CEP120: variants seen among roughly 807,000 people sequenced by gnomAD.
The protein encoded by CEP120 is centrosomal protein of 120 kDa.
Under a neutral mutation model 126.5 loss-of-function variants are expected in CEP120, and 113 were observed. That is an observed-to-expected ratio of 0.89 (90% CI 0.77 to 1.04). CEP120 has a LOEUF of 1.04. Ranked by LOEUF, CEP120 falls within the 50% of genes least tolerant of loss-of-function variation. CEP120 has a pLI of 0.00. For synonymous variants in CEP120, 400 were observed against 394.3 expected, an observed-to-expected ratio of 1.01 and a Z score of -0.17; for missense variants, 1,230 against 1,155.7, an observed-to-expected ratio of 1.06 and a Z score of -0.93.
At chr5:123,401,357 G>C in intron 4 of CEP120, 1 of 1,577,010 alleles carries the variant, frequency 6.3e-7, no homozygotes, top group Non-Finnish European at 8.7e-7. Context: ...CTCCAGGAAA[G>C]CCCTCTGGCC....
chr5:123,346,810 C>T (rs555129469), intron 19 of CEP120, 57 bp from the exon 20 acceptor site: 67 of 1,245,842 alleles, frequency 5.4e-5, no homozygotes, highest in Non-Finnish European at 6.4e-5. Context: ...CTTAATGTCA[C>T]TATTTAAAAA....
At chr5:123,370,053 G>A (rs371510781) in intron 17 of CEP120, among the ~76,000 whole-genome samples, 6 of 152,154 alleles carry the variant, frequency 3.9e-5, no homozygotes, top group African/African-American at 1.4e-4. Context: ...CATACATGGT[G>A]TTGGTTCATC....
intron 18 of CEP120, among the ~76,000 whole-genome samples, chr5:123,351,888 C>T (rs1769223816): frequency 6.6e-6 from 1 of 152,084 alleles, no homozygotes; most frequent in South Asian, 2.1e-4. Flanking sequence ...CCTGTATTTC[C>T]AAACAGTTTG....
intron 4 of CEP120, among the ~76,000 whole-genome samples, chr5:123,409,216 G>T (rs369039290): frequency 6.6e-6 from 1 of 152,026 alleles, no homozygotes; most frequent in East Asian, 1.9e-4. Context: ...AAAAGTATTT[G>T]ACAAAATCCA....
intron 4 of CEP120, chr5:123,401,542 G>A (rs774587093): frequency 4.0e-5 from 53 of 1,318,046 alleles, no homozygotes; most frequent in Admixed American, 3.7e-4. Flanking sequence ...CGATCTCCTC[G>A]TACTGTGCCT....
rs140116057 is a variant in CEP120, at chr5:123,360,890, T to TG, written c.2580+3605_2580+3606insC. ...TATTCAGAACACTGTTTACTTATAT[T>TG]ATTTTTTTGAAACTACCTCAAATGG... On this transcript the variant is annotated intron_variant, in intron 18 of 19. Coordinates refer to ENST00000306467, the MANE Select transcript of CEP120 (RefSeq NM_001375405.1). Among the ~76,000 whole-genome samples the TG allele has an allele frequency of 2.4e-3, 370 of 151,962 alleles. 1 individual carries two copies. Among genetic ancestry groups the TG allele is most frequent in the African/African-American group, 8.5e-3 (352 of 41,526 alleles).
intron 5 of CEP120, among the ~76,000 whole-genome samples, chr5:123,396,962 A>G (rs904804709): frequency 9.2e-5 from 14 of 152,260 alleles, no homozygotes; most frequent in Non-Finnish European, 1.9e-4. Flanking sequence ...ACAAAGCATT[A>G]CACAGTAAGT....
chr5:123,375,187 T>C (rs989414365), intron 16 of CEP120, among the ~76,000 whole-genome samples: 8 of 152,054 alleles, frequency 5.3e-5, no homozygotes, highest in African/African-American at 1.4e-4. Context: ...CCCCTTTTTT[T>C]CCCCCAGGTT....
intron 2 of CEP120, among the ~76,000 whole-genome samples, chr5:123,416,442 G>A (rs796574322): frequency 4.9e-4 from 74 of 151,964 alleles, no homozygotes; most frequent in African/African-American, 1.7e-3. Context: ...GTGGTGCCAC[G>A]CGCCTGTAAT....
intron 4 of CEP120, among the ~76,000 whole-genome samples, chr5:123,402,601 A>G (rs1773336783): frequency 1.3e-5 from 2 of 152,048 alleles, no homozygotes; most frequent in South Asian, 4.1e-4. Context: ...TTAGTAGAGA[A>G]GGGGTTTCAC....
At position 123,372,744 on chromosome 5, in the gene CEP120, A is replaced by G. The variant is rs1433848202; in HGVS notation, c.2387T>C (p.Ile796Thr). 8 of 1,605,658 alleles carry G rather than the reference A, an allele frequency of 5.0e-6. No individual in the cohort carries two copies. Among genetic ancestry groups the G allele is most frequent in the Non-Finnish European group, 6.8e-6 (8 of 1,176,158 alleles). ...GAACTGTTGGAACTCTTTTTCCAAA[A>G]TCTTATACTTATTTTCAGCATCATT... is the stretch of plus-strand genomic sequence containing the variant. ...QLNDAENKYKILEKEFQQFKD... is the reference protein window; with the variant it reads ...QLNDAENKYKTLEKEFQQFKD... Residue 796 changes from isoleucine (I) to threonine (T), a missense_variant, in exon 17 of 20, where the codon ATT becomes ACT. Coordinates refer to ENST00000306467, the MANE Select transcript of CEP120 (RefSeq NM_001375405.1).
intron 10 of CEP120, among the ~76,000 whole-genome samples, chr5:123,385,724 C>T (rs1339200277): frequency 6.6e-6 from 1 of 151,802 alleles, no homozygotes; most frequent in Non-Finnish European, 1.5e-5. Context: ...TCAAGTGATC[C>T]TCCCGTTTTA....
intron 4 of CEP120, chr5:123,401,308 G>A (rs970855134): frequency 3.7e-6 from 6 of 1,606,250 alleles, no homozygotes; most frequent in South Asian, 1.1e-5. Context: ...CATCCTTAAT[G>A]GCCAGCTCTC....
rs996829571 is a variant in CEP120, at chr5:123,423,163, G to A, written c.-165C>T. 1 of 627,276 alleles carries A rather than the reference G, an allele frequency of 1.6e-6. No homozygotes were observed. Among genetic ancestry groups the A allele is most frequent in the Non-Finnish European group, 2.8e-6 (1 of 353,056 alleles). 38.9% of individuals were successfully genotyped at this position (627,276 alleles called of 1,614,324 possible). On this transcript the variant is annotated 5_prime_UTR_variant, in exon 1 of 20. Coordinates refer to ENST00000306467, the MANE Select transcript of CEP120 (RefSeq NM_001375405.1). ...GTCCCACCGCCGTCTGCTGCAGCGC[G>A]CCCGGCTCCTCTGCCTCGGGCCGCC... is the stretch of plus-strand genomic sequence containing the variant.
chr5:123,419,912 G>A (rs7707090), intron 1 of CEP120, among the ~76,000 whole-genome samples: 67,141 of 151,994 alleles, frequency 0.44, 14,774 homozygotes, highest in East Asian at 0.47. Flanking sequence ...TAGTTCTCTT[G>A]TTTATAAATC....
chr5:123,416,246 C>T, intron 2 of CEP120, 122 bp from the exon 3 acceptor site: 1 of 638,568 alleles, frequency 1.6e-6, no homozygotes, highest in Non-Finnish European at 2.7e-6. Flanking sequence ...AACTATTTTA[C>T]ATTGTCTAAA....
Position 123,364,505 on chromosome 5 carries a change from T to C in CEP120, c.2571A>G (p.Arg857=). 1 of 1,603,142 alleles carries C rather than the reference T, an allele frequency of 6.2e-7. No individual in the cohort carries two copies. Among genetic ancestry groups the C allele is most frequent in the Non-Finnish European group, 8.5e-7 (1 of 1,172,930 alleles). ...GCTATAAACTACATACCTGTTTAAGTCTGGCAAGTTCTTTCAAAGCTCGTC... is the reference window on the plus strand; with the variant it reads ...GCTATAAACTACATACCTGTTTAAGCCTGGCAAGTTCTTTCAAAGCTCGTC... ...QWGRALKELA[R]LKQREQESQM... is the part of the protein sequence containing the mutation. Residue 857 remains arginine (R), a synonymous_variant, in exon 18 of 20, where the codon AGA becomes AGG. Transcript: ENST00000306467.
intron 18 of CEP120, among the ~76,000 whole-genome samples, chr5:123,359,536 A>T (rs141482207): frequency 2.1e-4 from 32 of 152,174 alleles, no homozygotes; most frequent in African/African-American, 7.7e-4. Flanking sequence ...GTTTTAAAAT[A>T]TTTCTATAGT....
At chr5:123,399,446 C>G (rs994853527) in intron 4 of CEP120, among the ~76,000 whole-genome samples, 162 bp from the exon 5 acceptor site, 1 of 152,124 alleles carries the variant, frequency 6.6e-6, no homozygotes, top group Non-Finnish European at 1.5e-5. Context: ...ACCAAAGAAA[C>G]CTTACTTAAC....
Sources: gnomAD v4.1 joint callset for allele counts (sites outside exome capture counted in the v4.1 genomes callset) on GRCh38, gnomAD v4.1.1 for gene constraint, MANE v1.5 for transcripts, NCBI Gene and HGNC (gene_info 2026-07-23, HGNC 2026-07-21) for gene names.